ATP7B: variants seen among roughly 807,000 people sequenced by gnomAD.
ATP7B encodes the protein ATPase copper transporting beta, also known as copper-transporting ATPase 2.
A neutral mutation model predicts 118.9 loss-of-function variants in ATP7B; 113 were observed. That is an observed-to-expected ratio of 0.95 (90% CI 0.82 to 1.11). ATP7B has a LOEUF of 1.11. Ranked by LOEUF, ATP7B falls within the 50% of genes most tolerant of loss-of-function variation. ATP7B has a pLI of 0.00. For missense variants in ATP7B, 1,867 were observed against 1,871.4 expected (o/e 1.00, Z 0.04); for synonymous variants, 777 against 727.4 (o/e 1.07, Z -1.10).
chr13:51,949,716 C>T lies in ATP7B; in HGVS notation c.2811G>A (p.Val937=), dbSNP rs770532598. 6.8e-6 allele frequency: 11 copies of T among 1,614,084 alleles called. No individual in the cohort carries two copies. Among genetic ancestry groups the T allele is most frequent in the Admixed American group, 1.7e-5 (1 of 60,022 alleles). The part of the protein sequence containing the change: ...FIIIMSTLTL[V]VWIVIGFIDF... The stretch of plus-strand genomic sequence containing the variant: ...CGATAAAACCGATTACAATCCATAC[C>T]ACCAACGTCAAAGTTGACATGATGA... The change falls in exon 12 of 21, where the codon GTG becomes GTA. Residue 937 remains valine, a synonymous_variant. Transcript: ENST00000242839.
intron 1 of ATP7B, among the ~76,000 whole-genome samples, chr13:51,976,512 T>C (rs1952126677): frequency 1.3e-5 from 2 of 152,226 alleles, no homozygotes; most frequent in Admixed American, 1.3e-4. Flanking sequence ...TCAAAAGATA[T>C]TGCTGAATCC....
At chr13:51,985,098 C>A (rs978263571) in intron 1 of ATP7B, among the ~76,000 whole-genome samples, 4 of 152,174 alleles carry the variant, frequency 2.6e-5, no homozygotes, top group African/African-American at 9.7e-5. Context: ...AGGCTAAATG[C>A]CCCAATTAAA....
rs376242793 is a variant in ATP7B at position 51,944,093 on chromosome 13, G to A, written c.3243+16C>T. On this transcript the variant is annotated intron_variant, in intron 14 of 20. Transcript: ENST00000242839. The stretch of plus-strand genomic sequence containing the variant: ...GCATTGGCGGGGAGGGCAGGGCCAC[G>A]CCCAAGTCCACGTACCTCTTTACAG... 16 of 1,613,760 alleles carry A rather than the reference G, an allele frequency of 9.9e-6. No homozygotes were observed. Among genetic ancestry groups the A allele is most frequent in the Non-Finnish European group, 1.3e-5 (15 of 1,179,956 alleles).
At chr13:51,952,504 G>A (rs1291969161) in intron 9 of ATP7B, among the ~76,000 whole-genome samples, 1 of 152,212 alleles carries the variant, frequency 6.6e-6, no homozygotes, top group Non-Finnish European at 1.5e-5. Context: ...AACTGTGCTA[G>A]ATTTTTACAT....
At chr13:51,958,124 G>C (rs546808472) in intron 8 of ATP7B, 187 bp downstream of exon 8, 2 of 663,810 alleles carry the variant, frequency 3.0e-6, no homozygotes, top group Admixed American at 5.5e-5. Context: ...AGATTAGCTG[G>C]GATTTCAGAA....
intron 15 of ATP7B, among the ~76,000 whole-genome samples, chr13:51,941,455 G>C (rs147443964): frequency 1.3e-5 from 2 of 152,084 alleles, no homozygotes; most frequent in African/African-American, 4.8e-5. Context: ...TGCTACATGG[G>C]TGGAAATGGT....
chr13:51,935,854 C>G lies in ATP7B; in HGVS notation c.4022-159G>C, dbSNP rs2282059. ...AATGGATCTTGCCCACAGGCCCCCC[C>G]CAAAGTGAGGCTTCCTAGAAAGCTG... On this transcript the variant is annotated intron_variant, in intron 19 of 20. Transcript: ENST00000242839. 0.14 allele frequency among the ~76,000 whole-genome samples: 21,605 copies of G among 152,202 alleles called. 1,784 individuals carry two copies. Among genetic ancestry groups the G allele is most frequent in the African/African-American group, 0.23 (9,479 of 41,486 alleles).
At chr13:51,986,202 A>G (rs951410274) in intron 1 of ATP7B, among the ~76,000 whole-genome samples, 2 of 152,198 alleles carry the variant, frequency 1.3e-5, no homozygotes, top group African/African-American at 4.8e-5. Context: ...AGAGGAATCA[A>G]ATCGATGCAA....
chr13:52,007,520 T>C (rs1953832481), intron 1 of ATP7B, among the ~76,000 whole-genome samples: 1 of 152,206 alleles, frequency 6.6e-6, no homozygotes, highest in South Asian at 2.1e-4. Context: ...CTGTACTGTT[T>C]CCACTCACGA....
chr13:51,977,400 A>G (rs1218164423), intron 1 of ATP7B, among the ~76,000 whole-genome samples: 2 of 151,858 alleles, frequency 1.3e-5, no homozygotes, highest in Non-Finnish European at 2.9e-5. Context: ...AGACACAAAC[A>G]CATACATTAG....
chr13:51,989,431 T>C (rs1460237254), intron 1 of ATP7B, among the ~76,000 whole-genome samples: 1 of 152,098 alleles, frequency 6.6e-6, no homozygotes. Flanking sequence ...GGTAATTCTG[T>C]GCAAATGACT....
intron 1 of ATP7B, among the ~76,000 whole-genome samples, chr13:51,992,979 C>CAAAAAAAAAAAAAAAAAAAAAAAAAA (rs58319382): frequency 1.6e-5 from 1 of 62,932 alleles, no homozygotes; most frequent in Non-Finnish European, 2.6e-5. Flanking sequence ...GACTCTGTCT[C>CAAAAAAAAAAAAAAAAAAAAAAAAAA]AAAAAAAAAA....
chr13:51,958,742 G>A (rs1384965287), intron 7 of ATP7B, 198 bp from the exon 8 acceptor site: 1 of 613,892 alleles, frequency 1.6e-6, no homozygotes, highest in African/African-American at 1.8e-5. Context: ...GGATGACCAA[G>A]AGCATGTGAG....
At chr13:51,964,253 C>T (rs1477373524) in intron 5 of ATP7B, among the ~76,000 whole-genome samples, 1 of 152,140 alleles carries the variant, frequency 6.6e-6, no homozygotes, top group African/African-American at 2.4e-5. Flanking sequence ...CTAGCTGTTA[C>T]AAGTTAATCT....
intron 1 of ATP7B, among the ~76,000 whole-genome samples, chr13:52,008,510 GCTATCTAGGGGC>G (rs1375800286): frequency 3.3e-5 from 5 of 152,118 alleles, no homozygotes; most frequent in African/African-American, 1.2e-4. Context: ...CCATCCTGAA[GCTATCTAGGGGC>G]CTATCAAGAG....
chr13:51,943,503 C>T (rs1957464077), intron 14 of ATP7B, among the ~76,000 whole-genome samples: 1 of 152,206 alleles, frequency 6.6e-6, no homozygotes, highest in Non-Finnish European at 1.5e-5. Context: ...AACAGTATTG[C>T]TCAGGCTGTT....
chr13:51,956,568 G>A (rs1166650266), intron 9 of ATP7B, among the ~76,000 whole-genome samples: 1 of 152,178 alleles, frequency 6.6e-6, no homozygotes, highest in Non-Finnish European at 1.5e-5. Context: ...GGGCAGGAGC[G>A]GGAGGTGCCA....
chr13:52,007,256 G>A (rs1295104232), intron 1 of ATP7B, among the ~76,000 whole-genome samples: 2 of 152,172 alleles, frequency 1.3e-5, no homozygotes, highest in Non-Finnish European at 2.9e-5. Flanking sequence ...CAGGTGGTAT[G>A]ACCAAGTGTC....
chr13:51,998,541 G>A (rs1953330581), intron 1 of ATP7B, among the ~76,000 whole-genome samples: 1 of 151,910 alleles, frequency 6.6e-6, no homozygotes, highest in African/African-American at 2.4e-5. Context: ...ACAACACAAG[G>A]GCAAACTCTA....
Sources: allele counts gnomAD v4.1 joint callset (sites outside exome capture counted in the v4.1 genomes callset), GRCh38; gene constraint gnomAD v4.1.1; transcripts MANE v1.5; gene names NCBI Gene and HGNC (gene_info 2026-07-23, HGNC 2026-07-21).